BTBD9: variants seen among roughly 807,000 people sequenced by gnomAD.
BTBD9 encodes the protein BTB domain containing 9.
In BTBD9, 49 loss-of-function variants were observed where a neutral mutation model predicts 64.3. The observed-to-expected ratio is 0.76, with a 90% confidence interval of 0.61 to 0.97. BTBD9 has a LOEUF of 0.97. Among genes scored for constraint, BTBD9 ranks in the 50% least tolerant of loss-of-function variants. The pLI is 0.00. For synonymous variants in BTBD9, 260 were observed against 274.7 expected, an observed-to-expected ratio of 0.95 and a Z score of 0.53; for missense variants, 598 against 762.1, an observed-to-expected ratio of 0.78 and a Z score of 2.53.
chr6:38,390,969 G>T (rs911103165), intron 6 of BTBD9, among the ~76,000 whole-genome samples: 2 of 152,104 alleles, frequency 1.3e-5, no homozygotes. Flanking sequence ...AAAGACCTTA[G>T]GTCTCCCTAA....
intron 6 of BTBD9, among the ~76,000 whole-genome samples, chr6:38,431,009 G>A (rs978353129): frequency 1.3e-5 from 2 of 151,880 alleles, no homozygotes; most frequent in Non-Finnish European, 2.9e-5. Flanking sequence ...TCTGTCCTTT[G>A]ACAGCTCCTT....
At chr6:38,408,937 T>C (rs1767287949) in intron 6 of BTBD9, among the ~76,000 whole-genome samples, 2 of 152,146 alleles carry the variant, frequency 1.3e-5, no homozygotes, top group South Asian at 4.1e-4. Context: ...GTACCAGTGC[T>C]ATAGAAAAAG....
chr6:38,339,550 C>T (rs1036580811), intron 7 of BTBD9, among the ~76,000 whole-genome samples: 47 of 151,840 alleles, frequency 3.1e-4, no homozygotes, highest in African/African-American at 1.1e-3. Flanking sequence ...TAGTGTGCTA[C>T]CAATTATTTA....
chr6:38,217,903 C>T (rs1437098150), intron 9 of BTBD9, among the ~76,000 whole-genome samples: 1 of 152,016 alleles, frequency 6.6e-6, no homozygotes, highest in African/African-American at 2.4e-5. Flanking sequence ...GAAGGTAAGG[C>T]CTTACCCTGC....
At chr6:38,529,081 T>C (rs1487277123) in intron 6 of BTBD9, among the ~76,000 whole-genome samples, 4 of 152,236 alleles carry the variant, frequency 2.6e-5, no homozygotes, top group South Asian at 2.1e-4. Flanking sequence ...GACTCAGGAC[T>C]GGCAGCATTC....
intron 6 of BTBD9, among the ~76,000 whole-genome samples, chr6:38,416,285 A>C (rs1233036098): frequency 2.0e-5 from 3 of 151,574 alleles, no homozygotes; most frequent in Non-Finnish European, 4.4e-5. Flanking sequence ...GCAGCTTCTA[A>C]GAGGTAGTGC....
chr6:38,186,093 C>T (rs1481742177), intron 10 of BTBD9, among the ~76,000 whole-genome samples: 1 of 152,170 alleles, frequency 6.6e-6, no homozygotes, highest in East Asian at 1.9e-4. Flanking sequence ...GCATATGCTC[C>T]TTTAGGACAA....
chr6:38,368,609 A>T (rs1765285188), intron 6 of BTBD9, among the ~76,000 whole-genome samples: 1 of 152,146 alleles, frequency 6.6e-6, no homozygotes, highest in Admixed American at 6.5e-5. Context: ...CTAGGATTAC[A>T]GGTGTGAGCC....
At chr6:38,198,682 A>G (rs1400130106) in intron 9 of BTBD9, among the ~76,000 whole-genome samples, 1 of 152,234 alleles carries the variant, frequency 6.6e-6, no homozygotes, top group Non-Finnish European at 1.5e-5. Flanking sequence ...CAGAGACAGG[A>G]AAGTATTTGG....
chr6:38,384,053 A>C (rs927464072), intron 6 of BTBD9, among the ~76,000 whole-genome samples: 3 of 152,082 alleles, frequency 2.0e-5, no homozygotes, highest in African/African-American at 7.2e-5. Context: ...TCGGTGGGAA[A>C]ACCTTAAGCC....
intron 6 of BTBD9, among the ~76,000 whole-genome samples, chr6:38,570,325 T>G (rs1445235800): frequency 6.6e-6 from 1 of 152,222 alleles, no homozygotes; most frequent in East Asian, 1.9e-4. Flanking sequence ...TTTCTTTACC[T>G]TGATTCTTGC....
chr6:38,451,176 A>C (rs1769527217), intron 6 of BTBD9, among the ~76,000 whole-genome samples: 1 of 152,198 alleles, frequency 6.6e-6, no homozygotes, highest in Non-Finnish European at 1.5e-5. Flanking sequence ...AGAGTTAATA[A>C]TAGTCACCTA....
chr6:38,562,317 T>C (rs2127457556), intron 6 of BTBD9, among the ~76,000 whole-genome samples: 1 of 152,334 alleles, frequency 6.6e-6, no homozygotes, highest in African/African-American at 2.4e-5. Flanking sequence ...AAACATGCTT[T>C]AGCACCTCTC....
rs545945771 is a variant in BTBD9, at chr6:38,201,108, C to G, written c.1563-8511G>C. ...ACTCATTCTGCAAGACCAGCATTAC[C>G]CTGACACCAAAACCTGACAAGAACA... On this transcript the variant is annotated intron_variant, in intron 9 of 10. Coordinates refer to ENST00000481247, the MANE Select transcript of BTBD9 (RefSeq NM_001099272.2). Among the ~76,000 whole-genome samples the G allele has an allele frequency of 3.4e-4, 52 of 151,996 alleles. 2 individuals are homozygous for G. Among genetic ancestry groups the G allele is most frequent in the Non-Finnish European group, 6.0e-4 (41 of 67,988 alleles).
At chr6:38,372,554 T>C (rs1252737225) in intron 6 of BTBD9, among the ~76,000 whole-genome samples, 1 of 152,254 alleles carries the variant, frequency 6.6e-6, no homozygotes, top group Non-Finnish European at 1.5e-5. Flanking sequence ...AAAACTCTTT[T>C]CATCCATATT....
chr6:38,270,544 T>C (rs1765164452), intron 8 of BTBD9, among the ~76,000 whole-genome samples: 1 of 152,142 alleles, frequency 6.6e-6, no homozygotes, highest in South Asian at 2.1e-4. Flanking sequence ...CCCCAGCCTA[T>C]CTGAGTCACA....
At chr6:38,599,921 C>T (rs1777186367) in intron 1 of BTBD9, among the ~76,000 whole-genome samples, 1 of 152,216 alleles carries the variant, frequency 6.6e-6, no homozygotes, top group African/African-American at 2.4e-5. Flanking sequence ...TGGTTCTCTA[C>T]AGTAGGAACA....
chr6:38,303,853 A>ATATATG (rs1762504659), intron 7 of BTBD9, among the ~76,000 whole-genome samples: 2 of 114,464 alleles, frequency 1.7e-5, no homozygotes, highest in Admixed American at 1.7e-4. Context: ...ATATATATAT[A>ATATATG]TATATATATA....
chr6:38,170,974 A>G lies in BTBD9; in HGVS notation c.*4011T>C, dbSNP rs1042189297. On this transcript the variant is annotated 3_prime_UTR_variant, in exon 11 of 11. Transcript: ENST00000481247. ...CCGACAAGCAAGCACTAATGAGGAAAAACTCCTGGAAGGAAGCAAATTTAA... is the reference window on the plus strand; with the variant it reads ...CCGACAAGCAAGCACTAATGAGGAAGAACTCCTGGAAGGAAGCAAATTTAA... 1 of 152,266 alleles carries G rather than the reference A, an allele frequency of 6.6e-6. No individual in the cohort carries two copies. Among genetic ancestry groups the G allele is most frequent in the South Asian group, 2.1e-4 (1 of 4,834 alleles). 9.4% of individuals were successfully genotyped at this position (152,266 alleles called of 1,614,324 possible).
Sources: allele counts gnomAD v4.1 joint callset (sites outside exome capture counted in the v4.1 genomes callset), GRCh38; gene constraint gnomAD v4.1.1; transcripts MANE v1.5; gene names NCBI Gene and HGNC (gene_info 2026-07-23, HGNC 2026-07-21).